The following GBE1 variants were observed in gnomAD, a reference collection of about 807,000 sequenced individuals.
GBE1 encodes 1,4-alpha-glucan branching enzyme 1.
Under a neutral mutation model 88.8 loss-of-function variants are expected in GBE1, and 70 were observed. The ratio of observed to expected loss-of-function variants is 0.79; its 90% CI spans 0.65 to 0.96. GBE1 has a LOEUF of 0.96. Among genes scored for constraint, GBE1 ranks in the 40% least tolerant of loss-of-function variants. The pLI is 0.00. For synonymous variants in GBE1, 284 were observed against 300.1 expected (o/e 0.95, Z 0.56); for missense variants, 872 against 871.0 (o/e 1.00, Z -0.01).
rs1392122459 is a variant in GBE1 at position 81,612,364 on chromosome 3, T to C, written c.993-18341A>G. 4 of 790,366 alleles carry C rather than the reference T, an allele frequency of 5.1e-6. No individual in the cohort carries two copies. In the Admixed American group the frequency reaches 5.5e-5, roughly 11 times the overall value. The allele number at this position is 790,366 out of a possible 1,614,324, so 49.0% of individuals were successfully genotyped here. ...ATTTGATTTCGGTGGACTTTGAAGA[T>C]GGATCACCACGCTCATTAGGATGAA... On this transcript the variant is annotated intron_variant, in intron 7 of 15. Coordinates refer to ENST00000429644, the MANE Select transcript of GBE1 (RefSeq NM_000158.4).
chr3:81,549,653 G>A lies in GBE1; in HGVS notation c.1619-12558C>T, dbSNP rs968448829. Among the ~76,000 whole-genome samples, 12 of 151,330 alleles carry A rather than the reference G, an allele frequency of 7.9e-5. 1 individual carries two copies. Among genetic ancestry groups the A allele is most frequent in the Non-Finnish European group, 1.5e-4 (10 of 67,604 alleles). On this transcript the variant is annotated intron_variant, in intron 12 of 15. Coordinates refer to ENST00000429644, the MANE Select transcript of GBE1 (RefSeq NM_000158.4). ...ATTTATCCAACTCATAGATGTCTGA[G>A]GTTACAAACACAAGGCTGGGCTCAA...
chr3:81,563,931 G>GAGGAAGGAAGGGACGAAGGA (rs1218586610), intron 12 of GBE1, among the ~76,000 whole-genome samples: 2 of 151,098 alleles, frequency 1.3e-5, no homozygotes, highest in Non-Finnish European at 2.9e-5. Context: ...GTGAGGGAGG[G>GAGGAAGGAAGGGACGAAGGA]AGGAAGGAAG....
chr3:81,571,329 A>T (rs924481273), intron 12 of GBE1, among the ~76,000 whole-genome samples: 1 of 152,214 alleles, frequency 6.6e-6, no homozygotes. Flanking sequence ...GGTTTAGTTG[A>T]TTCCAGATTT....
At chr3:81,594,903 G>A (rs768985275) in intron 7 of GBE1, among the ~76,000 whole-genome samples, 13 of 151,730 alleles carry the variant, frequency 8.6e-5, no homozygotes, top group Admixed American at 3.9e-4. Flanking sequence ...ACCTCATTTA[G>A]TTTAATGACA....
At chr3:81,601,506 A>G (rs1704032127) in intron 7 of GBE1, among the ~76,000 whole-genome samples, 1 of 152,186 alleles carries the variant, frequency 6.6e-6, no homozygotes, top group Non-Finnish European at 1.5e-5. Flanking sequence ...AGCTGTATTA[A>G]TCTTCTCTAA....
intron 2 of GBE1, among the ~76,000 whole-genome samples, chr3:81,677,074 A>T (rs1445450334): frequency 6.6e-6 from 1 of 152,200 alleles, no homozygotes; most frequent in Non-Finnish European, 1.5e-5. Context: ...TCTTTGATTC[A>T]CAGTGGAGCA....
rs1702724939 is a variant in GBE1 at position 81,511,483 on chromosome 3, C to T, written c.1935-12256G>A. On this transcript the variant is annotated intron_variant, in intron 14 of 15. Transcript: ENST00000429644. ...ATTCATAAGGAACTTAAACACTCAA[C>T]AAGCGAAAACCAAATAACCCCATTA... Among the ~76,000 whole-genome samples the T allele has an allele frequency of 2.0e-5, 3 of 151,722 alleles. No homozygotes were observed. In the South Asian group the frequency reaches 6.2e-4, roughly 31 times the overall value.
At chr3:81,761,276 G>C in intron 1 of GBE1, 99 bp downstream of exon 1, 1 of 1,455,542 alleles carries the variant, frequency 6.9e-7, no homozygotes, top group Non-Finnish European at 9.2e-7. Flanking sequence ...GCCTGGGGCG[G>C]GGTTGGCGCG....
At chr3:81,576,962 T>C (rs1023353411) in intron 12 of GBE1, among the ~76,000 whole-genome samples, 1 of 152,114 alleles carries the variant, frequency 6.6e-6, no homozygotes, top group African/African-American at 2.4e-5. Flanking sequence ...TTTTAAAAAT[T>C]AGAGATAGGG....
intron 7 of GBE1, among the ~76,000 whole-genome samples, chr3:81,637,423 T>C (rs755068649): frequency 5.3e-5 from 8 of 152,172 alleles, no homozygotes; most frequent in Non-Finnish European, 1.0e-4. Flanking sequence ...TACTGTTCTC[T>C]GAAAGGAGTG....
At chr3:81,615,766 TTTTAA>T (rs1376306545) in intron 7 of GBE1, among the ~76,000 whole-genome samples, 1 of 152,180 alleles carries the variant, frequency 6.6e-6, no homozygotes, top group African/African-American at 2.4e-5. Flanking sequence ...GTGAAAACAG[TTTTAA>T]TTTATCTGGA....
In GBE1 at chr3:81,737,158, A is replaced by C. The variant is rs1706267913; in HGVS notation, c.143+24217T>G. Among the ~76,000 whole-genome samples the C allele has an allele frequency of 3.3e-5, 5 of 151,036 alleles. No homozygotes were observed. The South Asian group carries it at 1.0e-3, about 31-fold the overall frequency. On this transcript the variant is annotated intron_variant, in intron 1 of 15. Coordinates refer to ENST00000429644, the MANE Select transcript of GBE1 (RefSeq NM_000158.4). ...AGTAGAAATAATGCCATTAACTAAG[A>C]GAGAGATGGTAATCTCCACGTGTAA...
intron 7 of GBE1, among the ~76,000 whole-genome samples, chr3:81,630,973 T>C (rs1704499758): frequency 6.6e-6 from 1 of 152,016 alleles, no homozygotes; most frequent in African/African-American, 2.4e-5. Context: ...GAGGCTGAAG[T>C]GGGAGGATCA....
intron 1 of GBE1, among the ~76,000 whole-genome samples, chr3:81,725,614 A>G (rs2107196636): frequency 6.6e-6 from 1 of 152,356 alleles, no homozygotes; most frequent in East Asian, 1.9e-4. Flanking sequence ...TATCATTATT[A>G]AGCAGTATAT....
chr3:81,613,977 T>C (rs1390263159), intron 7 of GBE1, among the ~76,000 whole-genome samples: 2 of 151,476 alleles, frequency 1.3e-5, no homozygotes, highest in African/African-American at 4.9e-5. Flanking sequence ...ATAGCATTCA[T>C]AAACTCTGAA....
At chr3:81,616,196 A>G (rs181314357) in intron 7 of GBE1, among the ~76,000 whole-genome samples, 217 of 152,274 alleles carry the variant, frequency 1.4e-3, no homozygotes, top group African/African-American at 4.8e-3. Flanking sequence ...TCATCTTAAC[A>G]AGAACTTTAT....
At chr3:81,594,565 A>G (rs1023907588) in intron 7 of GBE1, among the ~76,000 whole-genome samples, 6 of 152,072 alleles carry the variant, frequency 3.9e-5, no homozygotes, top group African/African-American at 1.4e-4. Context: ...GATTCAGAAT[A>G]AAAAGTAAAA....
intron 1 of GBE1, among the ~76,000 whole-genome samples, chr3:81,750,816 G>A (rs1193884306): frequency 1.3e-5 from 2 of 148,926 alleles, no homozygotes; most frequent in African/African-American, 5.0e-5. Flanking sequence ...AAGTAGCTGG[G>A]ACTATAGGTG....
At chr3:81,669,447 A>G (rs1250035570) in intron 3 of GBE1, among the ~76,000 whole-genome samples, 1 of 152,242 alleles carries the variant, frequency 6.6e-6, no homozygotes, top group African/African-American at 2.4e-5. Context: ...GAAAACAATA[A>G]TAGTTGCCTT....
Sources: allele counts gnomAD v4.1 joint callset (sites outside exome capture counted in the v4.1 genomes callset), GRCh38; gene constraint gnomAD v4.1.1; transcripts MANE v1.5; gene names NCBI Gene and HGNC (gene_info 2026-07-23, HGNC 2026-07-21).